Variants in THAP5 observed in about 807,000 individuals in gnomAD.
THAP5 encodes the protein THAP domain-containing protein 5.
In THAP5, 26 loss-of-function variants were observed where a neutral mutation model predicts 34.0. That is an observed-to-expected ratio of 0.77 (90% CI 0.56 to 1.06). The LOEUF (loss-of-function observed/expected upper bound fraction) is 1.06. Among genes scored for constraint, THAP5 ranks in the 50% least tolerant of loss-of-function variants. THAP5 has a pLI of 0.00. For synonymous variants in THAP5, 125 were observed against 153.0 expected, an observed-to-expected ratio of 0.82 and a Z score of 1.35; for missense variants, 394 against 452.8, an observed-to-expected ratio of 0.87 and a Z score of 1.18.
chr7:108,552,803 GGA>G (rs1491261445), downstream of THAP5, among the ~76,000 whole-genome samples: 31 of 73,358 alleles, frequency 4.2e-4, no homozygotes, highest in African/African-American at 1.4e-3. Flanking sequence ...CTGTCTCAGG[GGA>G]AAAAAAAAAA....
At chr7:108,542,958 G>A in the THAP5 span, among the ~76,000 whole-genome samples, 1 of 148,194 alleles carries the variant, frequency 6.7e-6, no homozygotes, top group Non-Finnish European at 1.5e-5. Flanking sequence ...ATGGAGTCTC[G>A]CTTTGTCACC....
In THAP5 at chr7:108,565,942, T is replaced by C; in HGVS notation, c.161A>G (p.Gln54Arg). 6.4e-7 allele frequency: 1 copy of C among 1,551,124 alleles called. No homozygotes were observed. The highest frequency in any genetic ancestry group is 8.7e-7 in the Non-Finnish European group (1 of 1,146,892). ...KRDSWVPSKYQFLCSDHFTPD... is the reference protein window; with the variant it reads ...KRDSWVPSKYRFLCSDHFTPD... Reference sequence around the variant, plus strand: ...AGTAAAATGGTCACTACATAGAAACTGGTATTTACTGGGAACCCATGAATC... The same window carrying C: ...AGTAAAATGGTCACTACATAGAAACCGGTATTTACTGGGAACCCATGAATC... The change falls in exon 2 of 3, where the codon CAG (glutamine) becomes CGG (arginine). Residue 54 changes from glutamine to arginine, a missense_variant. Transcript: ENST00000415914.
chr7:108,560,238 T>C (rs1002198298), downstream of THAP5, among the ~76,000 whole-genome samples: 15 of 152,234 alleles, frequency 9.9e-5, no homozygotes, highest in Non-Finnish European at 2.1e-4. Context: ...GAGAGAATGA[T>C]GTACAAATGA....
At chr7:108,542,915 T>A in the THAP5 span, among the ~76,000 whole-genome samples, 12 of 151,712 alleles carry the variant, frequency 7.9e-5, no homozygotes, top group East Asian at 3.9e-4. Context: ...CTTTTTTTTT[T>A]AAATTTAATT....
chr7:108,543,781 TGACCATCTG>T, the THAP5 span, among the ~76,000 whole-genome samples: 1 of 152,172 alleles, frequency 6.6e-6, no homozygotes, highest in Non-Finnish European at 1.5e-5. Context: ...GTGATAGTTT[TGACCATCTG>T]GCATGCAAAA....
chr7:108,563,054 C>T lies in THAP5; in HGVS notation c.*1137G>A, dbSNP rs1790392084. 1 of 152,006 alleles carries T rather than the reference C, an allele frequency of 6.6e-6. No individual in the cohort carries two copies. Among genetic ancestry groups the T allele is most frequent in the Non-Finnish European group, 1.5e-5 (1 of 68,002 alleles). The allele number at this position is 152,006 out of a possible 1,614,324, so 9.4% of individuals were successfully genotyped here. ...TTTCTAAAATATATTTAAAATTAAC[C>T]TCATTAAAATTTTTGGTTTATAAGT... On this transcript the variant is annotated 3_prime_UTR_variant, in exon 3 of 3. Coordinates refer to ENST00000415914, the MANE Select transcript of THAP5 (RefSeq NM_001130475.3).
downstream of THAP5, among the ~76,000 whole-genome samples, chr7:108,559,531 A>AT (rs1201210230): frequency 2.0e-5 from 3 of 152,226 alleles, no homozygotes; most frequent in African/African-American, 7.2e-5. Flanking sequence ...TTAATGATGT[A>AT]TTGTTCCTTC....
At position 108,564,664 on chromosome 7, in the gene THAP5, T is replaced by C. The variant is rs368813375; in HGVS notation, c.715A>G (p.Ser239Gly). The stretch of plus-strand genomic sequence containing the variant: ...GCTGACTTTATTTCCATGGAATTAC[T>C]TGTAAAGTTTGGATTAGCAAGATGA... Reference protein sequence around the residue: ...TSHLANPNFTSNSMEIKSAQE... With the variant: ...TSHLANPNFTGNSMEIKSAQE... The change falls in exon 3 of 3, where the codon AGT becomes GGT. Residue 239 changes from serine (S) to glycine (G), a missense_variant. By Grantham distance (56) the Ser-to-Gly change is moderately conservative. Coordinates refer to ENST00000415914, the MANE Select transcript of THAP5 (RefSeq NM_001130475.3). 142 of 1,613,824 alleles carry C rather than the reference T, an allele frequency of 8.8e-5. No homozygotes were observed. Among genetic ancestry groups the C allele is most frequent in the Non-Finnish European group, 1.1e-4 (125 of 1,179,896 alleles).
At chr7:108,561,558 T>C (rs1864431323), downstream of THAP5, among the ~76,000 whole-genome samples, 1 of 151,846 alleles carries the variant, frequency 6.6e-6, no homozygotes, top group Admixed American at 6.6e-5. Context: ...CATGAGCCAC[T>C]GCAACTGGCA....
chr7:108,558,377 GTATGTA>G (rs1369042711), downstream of THAP5, among the ~76,000 whole-genome samples: 2 of 63,042 alleles, frequency 3.2e-5, no homozygotes, highest in African/African-American at 1.6e-4. Context: ...ATGTGTGTGT[GTATGTA>G]TATATATATA....
chr7:108,545,654 A>G, the THAP5 span, among the ~76,000 whole-genome samples: 4 of 152,222 alleles, frequency 2.6e-5, no homozygotes, highest in Non-Finnish European at 5.9e-5. Context: ...TAGAATTTAG[A>G]TAATTCCAAC....
At chr7:108,566,709 G>GTCTCAGATA (rs972492090) in intron 1 of THAP5, among the ~76,000 whole-genome samples, 38 of 152,138 alleles carry the variant, frequency 2.5e-4, no homozygotes, top group African/African-American at 8.9e-4. Flanking sequence ...AAAAGGGACA[G>GTCTCAGATA]TCTCAGATAT....
At chr7:108,560,080 A>G (rs1039461624), downstream of THAP5, among the ~76,000 whole-genome samples, 1 of 152,202 alleles carries the variant, frequency 6.6e-6, no homozygotes, top group Non-Finnish European at 1.5e-5. Flanking sequence ...ACTATTTATT[A>G]GTTCATATTA....
downstream of THAP5, among the ~76,000 whole-genome samples, chr7:108,559,007 T>C (rs999971053): frequency 2.6e-5 from 4 of 152,268 alleles, no homozygotes; most frequent in African/African-American, 9.6e-5. Context: ...ATATTCATCA[T>C]GTTTCTATTA....
downstream of THAP5, among the ~76,000 whole-genome samples, chr7:108,557,255 G>A (rs771448894): frequency 1.4e-4 from 22 of 152,204 alleles, no homozygotes; most frequent in Non-Finnish European, 2.5e-4. Flanking sequence ...TCTTCTTCAC[G>A]TATGCAGATT....
the THAP5 span, among the ~76,000 whole-genome samples, chr7:108,542,277 A>C: frequency 2.6e-5 from 4 of 152,192 alleles, no homozygotes; most frequent in Admixed American, 1.3e-4. Context: ...ACAAATGTCT[A>C]TAAGGCTAGA....
chr7:108,566,091 C>T (rs1790482598), intron 1 of THAP5, 69 bp from the exon 2 acceptor site: 2 of 1,344,488 alleles, frequency 1.5e-6, no homozygotes, highest in Non-Finnish European at 2.0e-6. Flanking sequence ...TGCCAAATTC[C>T]CACCCTATAT....
At chr7:108,547,651 G>T in the THAP5 span, among the ~76,000 whole-genome samples, 16 of 152,188 alleles carry the variant, frequency 1.1e-4, no homozygotes, top group Non-Finnish European at 2.4e-4. Context: ...AGATTTGTAA[G>T]AATTCTGTGT....
rs1790381876 is a variant in THAP5 at position 108,562,775 on chromosome 7, C to T, written c.*1416G>A. The T allele has an allele frequency of 6.6e-6, 1 of 152,166 alleles. No individual in the cohort carries two copies. Among genetic ancestry groups the T allele is most frequent in the African/African-American group, 2.4e-5 (1 of 41,436 alleles). 9.4% of individuals were successfully genotyped at this position (152,166 alleles called of 1,614,324 possible). A position where few individuals can be genotyped will look rare whatever the true frequency, so the allele number is the denominator to read the frequency against. On this transcript the variant is annotated 3_prime_UTR_variant, in exon 3 of 3. Transcript: ENST00000415914. ...CATTACTACAAAATCTTTGCTTTTA[C>T]AGTTTTCTTAAAATCATGTGAATAT...
Sources: allele counts gnomAD v4.1 joint callset (sites outside exome capture counted in the v4.1 genomes callset), GRCh38; gene constraint gnomAD v4.1.1; transcripts MANE v1.5; gene names NCBI Gene and HGNC (gene_info 2026-07-23, HGNC 2026-07-21).